Variants in ODF2 observed in about 807,000 individuals in gnomAD.
ODF2 encodes the protein outer dense fiber of sperm tails 2, also known as outer dense fiber protein 2.
ODF2 carries 47 observed loss-of-function variants against 110.2 expected under a neutral mutation model. That is an observed-to-expected ratio of 0.43 (90% CI 0.34 to 0.54). The LOEUF is 0.54. ODF2 is among the 20% of genes least tolerant of loss of function. The pLI is 0.03. For synonymous variants in ODF2, 352 were observed against 397.7 expected (o/e 0.89, Z 1.37); for missense variants, 812 against 1,054.5 (o/e 0.77, Z 3.19).
chr9:128,462,743 G>A (rs1044479169), intron 4 of ODF2, among the ~76,000 whole-genome samples: 10 of 152,032 alleles, frequency 6.6e-5, no homozygotes, highest in Non-Finnish European at 1.3e-4. Flanking sequence ...GGGACTATAA[G>A]TGCCCGCCAC....
chr9:128,483,537 C>CA (rs1842811238), intron 10 of ODF2, among the ~76,000 whole-genome samples: 1 of 150,516 alleles, frequency 6.6e-6, no homozygotes. Flanking sequence ...GAGTCATGGT[C>CA]ACGCCACTGC....
intron 4 of ODF2, among the ~76,000 whole-genome samples, chr9:128,462,793 C>G (rs891638282): frequency 6.6e-6 from 1 of 151,734 alleles, no homozygotes; most frequent in African/African-American, 2.4e-5. Context: ...CGGGGTTTCA[C>G]CGTGTTAGCC....
rs371543004 is a variant in ODF2 at position 128,462,109 on chromosome 9, T to C, written c.249+1042T>C. On this transcript the variant is annotated intron_variant, in intron 4 of 20. Transcript: ENST00000604420. Reference sequence around the variant, plus strand: ...TGGAAAAAGTTTAAAAAATGACAACTATCTCCTGCCAGCAAGCATATGGGA... The same window carrying C: ...TGGAAAAAGTTTAAAAAATGACAACCATCTCCTGCCAGCAAGCATATGGGA... 9.4e-4 allele frequency among the ~76,000 whole-genome samples: 143 copies of C among 152,180 alleles called. 1 individual carries two copies. In the South Asian group the frequency reaches 0.029, roughly 30 times the overall value.
At chr9:128,476,826 A>G (rs1193653924) in intron 8 of ODF2, among the ~76,000 whole-genome samples, 1 of 151,050 alleles carries the variant, frequency 6.6e-6, no homozygotes, top group African/African-American at 2.4e-5. Flanking sequence ...TTTAGTAGAG[A>G]TGAGGTTTCA....
intron 2 of ODF2, chr9:128,457,521 C>T: frequency 1.4e-6 from 2 of 1,463,190 alleles, no homozygotes; most frequent in Non-Finnish European, 1.8e-6. Context: ...CTGAGGCTTC[C>T]AGCTTCCTCA....
chr9:128,484,640 G>T, intron 11 of ODF2, 61 bp from the exon 12 acceptor site: 5 of 1,520,288 alleles, frequency 3.3e-6, no homozygotes, highest in Non-Finnish European at 4.5e-6. Flanking sequence ...CCTCTGCTTT[G>T]CCTTCCCACA....
rs1437194908 is a variant in ODF2 at position 128,500,362 on chromosome 9, G to A, written c.*107G>A. 3 of 1,121,820 alleles carry A rather than the reference G, an allele frequency of 2.7e-6. No individual in the cohort carries two copies. The Admixed American group carries it at 6.1e-5, about 23-fold the overall frequency. The allele number at this position is 1,121,820 out of a possible 1,614,324, so 69.5% of individuals were successfully genotyped here. On this transcript the variant is annotated 3_prime_UTR_variant, in exon 21 of 21. Coordinates refer to ENST00000604420, the Ensembl canonical transcript of ODF2. ...TTTTCCTCTCCCAGTGAAAAAATGG[G>A]TTCAGGGTCTTGTCCTTAGCTACTA... is the stretch of plus-strand genomic sequence containing the variant.
chr9:128,471,831 G>A (rs1225081834), intron 6 of ODF2, among the ~76,000 whole-genome samples: 1 of 152,148 alleles, frequency 6.6e-6, no homozygotes, highest in Non-Finnish European at 1.5e-5. Flanking sequence ...CCCAAGGTGG[G>A]AAAGTGTTTG....
intron 1 of ODF2, chr9:128,456,576 G>T (rs1402675264): frequency 2.0e-6 from 3 of 1,525,356 alleles, no homozygotes; most frequent in Non-Finnish European, 1.8e-6. Context: ...CCTGCCTGCT[G>T]GTGGGTGGCC....
At chr9:128,469,553 A>T in intron 5 of ODF2, 200 bp downstream of exon 5, 3 of 596,378 alleles carry the variant, frequency 5.0e-6, no homozygotes, top group Non-Finnish European at 8.9e-6. Flanking sequence ...GGCCCTCTCT[A>T]TTGAGCATGT....
intron 3 of ODF2, chr9:128,460,338 TC>T: frequency 7.0e-7 from 1 of 1,432,100 alleles, no homozygotes; most frequent in Non-Finnish European, 9.2e-7. Flanking sequence ...GACCAGAATC[TC>T]CCTTGTGGTC....
upstream of ODF2, chr9:128,456,010 G>A (rs1834678109): frequency 7.0e-7 from 1 of 1,420,010 alleles, no homozygotes. Context: ...CCCTTCTGGC[G>A]GGGCGGGGCA....
intron 16 of ODF2, 75 bp downstream of exon 16, chr9:128,492,880 T>A: frequency 7.6e-7 from 1 of 1,313,612 alleles, no homozygotes; most frequent in Non-Finnish European, 1.1e-6. Context: ...TCTGTTCCCC[T>A]TGTTTGCCTT....
chr9:128,455,651 G>A (rs1490783815), upstream of ODF2, among the ~76,000 whole-genome samples: 1 of 141,114 alleles, frequency 7.1e-6, no homozygotes, highest in African/African-American at 2.9e-5. Context: ...CTCCTGTTGG[G>A]GCCAAGACAG....
intron 8 of ODF2, among the ~76,000 whole-genome samples, chr9:128,480,404 G>T (rs1842174737): frequency 6.6e-6 from 1 of 152,168 alleles, no homozygotes; most frequent in Admixed American, 6.5e-5. Context: ...TGTGTGTGTG[G>T]TGACAACACT....
chr9:128,487,430 A>C (rs1203395907), intron 13 of ODF2, among the ~76,000 whole-genome samples: 2 of 152,132 alleles, frequency 1.3e-5, no homozygotes, highest in African/African-American at 2.4e-5. Context: ...GGGAGCAGGC[A>C]GGCAGTATAT....
In ODF2 at chr9:128,494,518, G is replaced by C. The variant is rs767745209; in HGVS notation, c.1761G>C (p.Arg587Ser). ...TTTCCTTCCTGTTTCAGGCACGAAG[G>C]CAGTTCCAGTCTCAGCTGGCTGACC... Residue 587 changes from arginine to serine, a missense_variant, in exon 17 of 21, where the codon AGG becomes AGC. Arg to Ser is a moderately radical substitution (Grantham distance 110). Around this residue, in one of 5 missense-constraint regions of ODF2, gnomAD observed 165 missense variants for 293.4 expected, o/e 0.56. Transcript: ENST00000604420. This position sits in a 1 kb window ranked among gnomAD's most constrained non-coding sequence, Gnocchi z 4.6. 6.8e-6 allele frequency: 11 copies of C among 1,614,010 alleles called. No homozygotes were observed. In the East Asian group the frequency reaches 1.1e-4, roughly 16 times the overall value.
At chr9:128,481,689 G>C (rs371896443) in intron 9 of ODF2, 38 bp downstream of exon 9, 1 of 1,544,686 alleles carries the variant, frequency 6.5e-7, no homozygotes, top group Non-Finnish European at 8.9e-7. Flanking sequence ...AGTGGGTACA[G>C]GTGGCAAGAG....
rs1842904606 is a variant in ODF2 at position 128,483,933 on chromosome 9, C to T, written c.988-5C>T. On this transcript the variant is annotated splice_region_variant and splice_polypyrimidine_tract_variant and intron_variant, in intron 10 of 20. Transcript: ENST00000604420. ...GCCTCCATCACTTTTTCCGTCTCTCCACAGGCTCAAGCAAAGACAGCCTCT... is the reference window on the plus strand; with the variant it reads ...GCCTCCATCACTTTTTCCGTCTCTCTACAGGCTCAAGCAAAGACAGCCTCT... The T allele has an allele frequency of 6.2e-7, 1 of 1,606,160 alleles. No individual in the cohort carries two copies. Among genetic ancestry groups the T allele is most frequent in the Admixed American group, 1.7e-5 (1 of 59,970 alleles).
Sources: gnomAD v4.1 joint callset for allele counts (sites outside exome capture counted in the v4.1 genomes callset) on GRCh38, gnomAD v4.1.1 for gene constraint, gnomAD v4.1.1 regional missense constraint, Gnocchi (gnomAD v3.1) non-coding constraint, MANE v1.5 for transcripts, NCBI Gene and HGNC (gene_info 2026-07-23, HGNC 2026-07-21) for gene names.